PRDX5: variants seen among roughly 807,000 people sequenced by gnomAD.
PRDX5 encodes peroxiredoxin-5, mitochondrial.
Under a neutral mutation model 23.8 loss-of-function variants are expected in PRDX5, and 21 were observed. The observed-to-expected ratio is 0.88, with a 90% confidence interval of 0.63 to 1.27. The LOEUF (loss-of-function observed/expected upper bound fraction) is 1.27, where lower values mean the gene tolerates loss of function less well. PRDX5 is among the 50% of genes most tolerant of loss of function. PRDX5 has a pLI of 0.00. For synonymous variants in PRDX5, 111 were observed against 113.3 expected (o/e 0.98, Z 0.13); for missense variants, 261 against 270.6 (o/e 0.96, Z 0.25).
At chr11:64,321,403 T>C (rs1338310432) in intron 5 of PRDX5, among the ~76,000 whole-genome samples, 183 bp from the exon 6 acceptor site, 1 of 150,310 alleles carries the variant, frequency 6.7e-6, no homozygotes, top group Non-Finnish European at 1.5e-5. Flanking sequence ...GAGAGTTCTC[T>C]GTGGGGAGAG....
At position 64,321,081 on chromosome 11, in the gene PRDX5, A is replaced by G; in HGVS notation, c.539+13A>G. The G allele has an allele frequency of 6.2e-7, 1 of 1,610,998 alleles. No individual in the cohort carries two copies. On this transcript the variant is annotated intron_variant, in intron 5 of 5. Transcript: ENST00000265462. ...GACGTCTCAAGAGGTAAAAGTGGAG[A>G]GTCCTCTGTGGAGAGAGTCCTCTGT...
rs530447895 is a variant in PRDX5, at chr11:64,321,807, G to A, written c.*116G>A. 9 of 1,316,432 alleles carry A rather than the reference G, an allele frequency of 6.8e-6. 1 individual carries two copies. Among genetic ancestry groups the A allele is most frequent in the Admixed American group, 5.6e-5 (2 of 35,972 alleles). The allele number at this position is 1,316,432 out of a possible 1,614,324, so 81.5% of individuals were successfully genotyped here. A position where few individuals can be genotyped will look rare whatever the true frequency, so the allele number is the denominator to read the frequency against. ...TCTGCAATAAACACTTGTGGTTTGCGGCCATCTCCTTGGTTATGAATGGCT... is the reference window on the plus strand; with the variant it reads ...TCTGCAATAAACACTTGTGGTTTGCAGCCATCTCCTTGGTTATGAATGGCT... On this transcript the variant is annotated 3_prime_UTR_variant, in exon 6 of 6. Coordinates refer to ENST00000265462, the MANE Select transcript of PRDX5 (RefSeq NM_012094.5).
chr11:64,320,649 C>A lies in PRDX5; in HGVS notation c.307-12C>A. 6.3e-7 allele frequency: 1 copy of A among 1,575,102 alleles called. No homozygotes were observed. Among genetic ancestry groups the A allele is most frequent in the Non-Finnish European group, 8.6e-7 (1 of 1,158,956 alleles). Reference sequence around the variant, plus strand: ...GTTATCCCTTTGCCGACCCTTTGTTCCCCTTCCTCAGACACACCTGCCAGG... The same window carrying A: ...GTTATCCCTTTGCCGACCCTTTGTTACCCTTCCTCAGACACACCTGCCAGG... On this transcript the variant is annotated splice_polypyrimidine_tract_variant and intron_variant, in intron 2 of 5. Transcript: ENST00000265462.
At chr11:64,321,173 G>C (rs1231279801) in intron 5 of PRDX5, 105 bp downstream of exon 5, 11 of 1,326,610 alleles carry the variant, frequency 8.3e-6, no homozygotes, top group Non-Finnish European at 1.2e-5. Context: ...AGTCGTCTGT[G>C]GGGGAGAGTC....
At position 64,320,870 on chromosome 11, in the gene PRDX5, G is replaced by A. The variant is rs774324411; in HGVS notation, c.444G>A (p.Arg148=). 1 of 1,614,238 alleles carries A rather than the reference G, an allele frequency of 6.2e-7. No individual in the cohort carries two copies. The highest frequency in any genetic ancestry group is 1.1e-5 in the South Asian group (1 of 91,084). The change falls in exon 4 of 6, where the codon CGG becomes CGA. Residue 148 remains arginine (R), a synonymous_variant. Transcript: ENST00000265462. Reference sequence around the variant, plus strand: ...GACCTTTACTTTCTCTGCAGGTTCGGCTCCTGGCTGATCCCACTGGGGCCT... The same window carrying A: ...GACCTTTACTTTCTCTGCAGGTTCGACTCCTGGCTGATCCCACTGGGGCCT... The part of the protein sequence containing the change: ...GRAHKAEGKV[R]LLADPTGAFG...
chr11:64,320,325 G>A (rs2035459625), intron 2 of PRDX5, among the ~76,000 whole-genome samples: 1 of 151,060 alleles, frequency 6.6e-6, no homozygotes, highest in Non-Finnish European at 1.5e-5. Context: ...TGCAAAAAGG[G>A]AACAGTACCA....
In PRDX5 at chr11:64,320,797, G is replaced by A. The variant is rs1429667373; in HGVS notation, c.438+5G>A. ...GCCCACAAGGCGGAAGGCAAGGTGA[G>A]GTGAGGGGCCTGCAGGGAGTCAGGA... On this transcript the variant is annotated splice_donor_5th_base_variant and intron_variant, in intron 3 of 5. Coordinates refer to ENST00000265462, the MANE Select transcript of PRDX5 (RefSeq NM_012094.5). 6.2e-6 allele frequency: 10 copies of A among 1,614,102 alleles called. No individual in the cohort carries two copies. In the Admixed American group the frequency reaches 8.3e-5, roughly 13 times the overall value.
chr11:64,321,393 G>T (rs530382915), intron 5 of PRDX5, among the ~76,000 whole-genome samples, 193 bp from the exon 6 acceptor site: 5 of 151,274 alleles, frequency 3.3e-5, no homozygotes, highest in Admixed American at 1.3e-4. Flanking sequence ...CTGTGTGGGG[G>T]AGAGTTCTCT....
Position 64,320,663 on chromosome 11 carries a change from A to G in PRDX5, c.309A>G (p.Thr103=). 6.3e-7 allele frequency: 1 copy of G among 1,589,932 alleles called. No homozygotes were observed. The highest frequency in any genetic ancestry group is 8.6e-7 in the Non-Finnish European group (1 of 1,165,872). ...GACCCTTTGTTCCCCTTCCTCAGAC[A>G]CACCTGCCAGGGTTTGTGGAGCAGG... ...PGAFTPGCSK[T]HLPGFVEQAE... The change falls in exon 3 of 6, where the codon ACA becomes ACG. Residue 103 remains threonine (T), a splice_region_variant and synonymous_variant. Transcript: ENST00000265462.
Position 64,320,711 on chromosome 11 carries a change from A to C in PRDX5, c.357A>C (p.Gly119=). ...AGGCTGAGGCTCTGAAGGCCAAGGG[A>C]GTCCAGGTGGTGGCCTGTCTGAGTG... The part of the protein sequence containing the change: ...VEQAEALKAK[G]VQVVACLSVN... Residue 119 remains glycine (G), a synonymous_variant, in exon 3 of 6, where the codon GGA becomes GGC. Coordinates refer to ENST00000265462, the MANE Select transcript of PRDX5 (RefSeq NM_012094.5). The C allele has an allele frequency of 4.3e-6, 7 of 1,613,478 alleles. No homozygotes were observed. The highest frequency in any genetic ancestry group is 5.9e-6 in the Non-Finnish European group (7 of 1,179,514).
intron 2 of PRDX5, 115 bp downstream of exon 2, chr11:64,319,983 A>AGTAGAGCTGG (rs1247866958): frequency 4.2e-6 from 6 of 1,442,926 alleles, no homozygotes; most frequent in South Asian, 4.1e-5. Flanking sequence ...TCACAAAACA[A>AGTAGAGCTGG]GTAGAGCTGG....
At chr11:64,320,592 G>A in intron 2 of PRDX5, 69 bp from the exon 3 acceptor site, 1 of 1,532,468 alleles carries the variant, frequency 6.5e-7, no homozygotes, top group Non-Finnish European at 8.8e-7. Flanking sequence ...AGGAGGGCCT[G>A]GAGATAAAGG....
chr11:64,321,043 A>C lies in PRDX5; in HGVS notation c.514A>C (p.Ile172Leu). Residue 172 changes from isoleucine (I) to leucine (L), a missense_variant, in exon 5 of 6, where the codon ATC becomes CTC. Transcript: ENST00000265462. ...DLLLDDSLVSIFGNRRLKRFS... is the reference protein window; with the variant it reads ...DLLLDDSLVSLFGNRRLKRFS... ...ATTACTAGATGATTCGCTGGTGTCC[A>C]TCTTTGGGAATCGACGTCTCAAGAG... 1 of 1,614,042 alleles carries C rather than the reference A, an allele frequency of 6.2e-7. No homozygotes were observed. The highest frequency in any genetic ancestry group is 1.7e-5 in the Admixed American group (1 of 60,020).
At chr11:64,320,973 A>C (rs2035480056) in intron 4 of PRDX5, 34 bp from the exon 5 acceptor site, 2 of 1,614,030 alleles carry the variant, frequency 1.2e-6, no homozygotes, top group Non-Finnish European at 1.7e-6. Context: ...AGCCTCTTCA[A>C]GGATTTCTGA....
intron 4 of PRDX5, 39 bp from the exon 5 acceptor site, chr11:64,320,968 C>T (rs776884787): frequency 4.0e-5 from 64 of 1,613,924 alleles, no homozygotes; most frequent in Non-Finnish European, 5.3e-5. Flanking sequence ...CCCTTAGCCT[C>T]TTCAAGGATT....
In PRDX5 at chr11:64,318,143, T is replaced by G. The variant is rs962476920; in HGVS notation, c.-73T>G. The G allele has an allele frequency of 1.3e-6, 2 of 1,588,060 alleles. No homozygotes were observed. Among genetic ancestry groups the G allele is most frequent in the Admixed American group, 1.8e-5 (1 of 55,584 alleles). ...CGCCTTCCGCAGGGTGTCGCCGCTG[T>G]GCCGCTAGCGGTGCCCCGCCTGCTG... is the stretch of plus-strand genomic sequence containing the variant. On this transcript the variant is annotated 5_prime_UTR_variant, in exon 1 of 6. Transcript: ENST00000265462.
At chr11:64,320,529 AATGGT>A in intron 2 of PRDX5, 127 bp from the exon 3 acceptor site, 1 of 1,327,078 alleles carries the variant, frequency 7.5e-7, no homozygotes, top group Non-Finnish European at 1.0e-6. Context: ...AAGGAAATAG[AATGGT>A]TTAGACAGCT....
In PRDX5 at chr11:64,320,144, G is replaced by A. The variant is rs112092088; in HGVS notation, c.306+276G>A. Among the ~76,000 whole-genome samples the A allele has an allele frequency of 1.1e-4, 16 of 152,338 alleles. 1 individual carries two copies. Among genetic ancestry groups the A allele is most frequent in the African/African-American group, 3.8e-4 (16 of 41,586 alleles). On this transcript the variant is annotated intron_variant, in intron 2 of 5. Transcript: ENST00000265462. Reference sequence around the variant, plus strand: ...AATGCAAAAAAATCAGCCGGACATGGTGGCGGGCGCCTGTAATCCCAGGTA... The same window carrying A: ...AATGCAAAAAAATCAGCCGGACATGATGGCGGGCGCCTGTAATCCCAGGTA...
Position 64,321,797 on chromosome 11 carries a change from T to C in PRDX5, c.*106T>C, listed in dbSNP as rs115201854. 4.9e-4 allele frequency: 676 copies of C among 1,383,488 alleles called. 2 individuals are homozygous for C. In the African/African-American group the frequency reaches 8.8e-3, roughly 18 times the overall value. 85.7% of individuals were successfully genotyped at this position (1,383,488 alleles called of 1,614,324 possible). A position where few individuals can be genotyped will look rare whatever the true frequency, so the allele number is the denominator to read the frequency against. On this transcript the variant is annotated 3_prime_UTR_variant, in exon 6 of 6. Transcript: ENST00000265462. ...TGGCCAGATTTCTGCAATAAACACT[T>C]GTGGTTTGCGGCCATCTCCTTGGTT... is the stretch of plus-strand genomic sequence containing the variant.
Sources: allele counts gnomAD v4.1 joint callset (sites outside exome capture counted in the v4.1 genomes callset), GRCh38; gene constraint gnomAD v4.1.1; transcripts MANE v1.5; gene names NCBI Gene and HGNC (gene_info 2026-07-23, HGNC 2026-07-21).